The following PCSK1 variants were observed in gnomAD, a reference collection of about 807,000 sequenced individuals.
PCSK1 encodes the protein neuroendocrine convertase 1.
Under a neutral mutation model 90.6 loss-of-function variants are expected in PCSK1, and 56 were observed. The ratio of observed to expected loss-of-function variants is 0.62; its 90% CI spans 0.50 to 0.77. The LOEUF (loss-of-function observed/expected upper bound fraction) is 0.77, where lower values mean the gene tolerates loss of function less well. Ranked by LOEUF, PCSK1 falls within the 30% of genes least tolerant of loss-of-function variation. The probability of loss-of-function intolerance (pLI) is 0.00; values close to 1 mark genes in which losing one functional copy is unlikely to be tolerated. For missense variants in PCSK1, 801 were observed against 932.6 expected (o/e 0.86, Z 1.84); for synonymous variants, 348 against 342.4 (o/e 1.02, Z -0.18).
intron 2 of PCSK1, among the ~76,000 whole-genome samples, chr5:96,427,547 G>A (rs1175772168): frequency 6.6e-6 from 1 of 152,032 alleles, no homozygotes. Context: ...ACCTGTGCTG[G>A]AGAAGGAATT....
At chr5:96,405,194 T>C (rs1041952764) in intron 9 of PCSK1, among the ~76,000 whole-genome samples, 2 of 152,340 alleles carry the variant, frequency 1.3e-5, no homozygotes, top group African/African-American at 4.8e-5. Context: ...TCAGTCATAC[T>C]TATCTTACTG....
chr5:96,394,976 A>C lies in PCSK1; in HGVS notation c.1772T>G (p.Leu591Trp). 4 of 1,614,070 alleles carry C rather than the reference A, an allele frequency of 2.5e-6. No homozygotes were observed. In the South Asian group the frequency reaches 4.4e-5, roughly 18 times the overall value. Residue 591 changes from leucine to tryptophan, a missense_variant, in exon 13 of 14, where the codon TTG (leucine) becomes TGG (tryptophan). Transcript: ENST00000311106. ...CTCTGGCTGAGAAGAGGTCCCGTGC[A>C]AAATCAGCTTCCAGTTCACAATTCT... ...EGRIVNWKLI[L>W]HGTSSQPEHM...
At chr5:96,432,053 G>A in intron 1 of PCSK1, 1 of 1,481,344 alleles carries the variant, frequency 6.8e-7, no homozygotes, top group Non-Finnish European at 9.1e-7. Flanking sequence ...GCAACAATAA[G>A]CTGAAATTCC....
At position 96,429,101 on chromosome 5, in the gene PCSK1, G is replaced by T. The variant is rs77619865; in HGVS notation, c.285+112C>A. On this transcript the variant is annotated intron_variant, in intron 2 of 13. Transcript: ENST00000311106. Reference sequence around the variant, plus strand: ...AGAAATAATACAGATAAACAATCTTGGTCACAATAAAAAAAAAACCACATT... The same window carrying T: ...AGAAATAATACAGATAAACAATCTTTGTCACAATAAAAAAAAAACCACATT... The T allele has an allele frequency of 7.8e-3, 5,224 of 672,646 alleles. 203 individuals are homozygous for T. In the African/African-American group the frequency reaches 0.085, roughly 11 times the overall value. The allele number at this position is 672,646 out of a possible 1,614,324, so 41.7% of individuals were successfully genotyped here.
intron 12 of PCSK1, among the ~76,000 whole-genome samples, chr5:96,396,650 CATT>C (rs1416314277): frequency 1.3e-5 from 2 of 151,522 alleles, no homozygotes; most frequent in Non-Finnish European, 2.9e-5. Flanking sequence ...AGAGCCAAAA[CATT>C]ATTCATTTAT....
intron 5 of PCSK1, among the ~76,000 whole-genome samples, chr5:96,416,923 C>T (rs1249270980): frequency 6.6e-6 from 1 of 152,184 alleles, no homozygotes; most frequent in East Asian, 1.9e-4. Flanking sequence ...TCTTTTCCCA[C>T]CACCATCCTG....
chr5:96,402,252 G>T (rs1442780424), intron 9 of PCSK1, among the ~76,000 whole-genome samples: 1 of 152,176 alleles, frequency 6.6e-6, no homozygotes, highest in Non-Finnish European at 1.5e-5. Context: ...GATTTCAAAG[G>T]TCTTACCTGG....
chr5:96,425,008 A>AAAGAAAGAAAG (rs1554059749), intron 3 of PCSK1, among the ~76,000 whole-genome samples: 10 of 117,478 alleles, frequency 8.5e-5, no homozygotes, highest in African/African-American at 3.0e-4. Context: ...AGAAAGAAAG[A>AAAGAAAGAAAG]AAAGAAAGAA....
At chr5:96,406,306 C>T (rs1031773991) in intron 9 of PCSK1, among the ~76,000 whole-genome samples, 7 of 152,120 alleles carry the variant, frequency 4.6e-5, no homozygotes, top group Non-Finnish European at 7.3e-5. Flanking sequence ...AATTATTTCT[C>T]GGTTAATTTG....
At chr5:96,410,705 G>A (rs528166705) in intron 8 of PCSK1, 69 bp downstream of exon 8, 3 of 1,241,568 alleles carry the variant, frequency 2.4e-6, no homozygotes, top group African/African-American at 1.5e-5. Context: ...AGGTCAGTTA[G>A]GGGAATCATT....
intron 9 of PCSK1, among the ~76,000 whole-genome samples, chr5:96,405,272 A>C (rs899626694): frequency 2.0e-5 from 3 of 152,346 alleles, no homozygotes; most frequent in African/African-American, 7.2e-5. Context: ...TAGACTCTTA[A>C]TATCTCTTAA....
intron 5 of PCSK1, among the ~76,000 whole-genome samples, chr5:96,420,577 G>C (rs1761093010): frequency 6.9e-6 from 1 of 144,948 alleles, no homozygotes; most frequent in African/African-American, 2.9e-5. Flanking sequence ...TTTTCCCCAA[G>C]GAAGAAATAA....
In PCSK1 at chr5:96,432,918, C is replaced by T. The variant is rs1359353262; in HGVS notation, c.125G>A (p.Gly42Asp). The T allele has an allele frequency of 2.5e-5, 41 of 1,613,834 alleles. No homozygotes were observed. The highest frequency in any genetic ancestry group is 3.2e-5 in the Non-Finnish European group (38 of 1,179,860). The change falls in exon 1 of 14, where the codon GGC becomes GAC. Residue 42 changes from glycine (G) to aspartate (D), a missense_variant. Physicochemically the swap from Gly to Asp is moderately conservative, Grantham distance 94 (BLOSUM62 -1). Coordinates refer to ENST00000311106, the MANE Select transcript of PCSK1 (RefSeq NM_000439.5). ...VNEWAAEIPG[G>D]PEAASAIAEE... ...GGCGATGGCCGAGGCTGCTTCCGGG[C>T]CCCCGGGGATCTCCGCTGCCCATTC...
chr5:96,421,920 G>A lies in PCSK1; in HGVS notation c.580C>T (p.His194Tyr). Residue 194 changes from histidine (H) to tyrosine (Y), a missense_variant, in exon 5 of 14, where the codon CAT (histidine) becomes TAT (tyrosine). Physicochemically the swap from His to Tyr is moderately conservative, Grantham distance 83. Transcript: ENST00000311106. Reference protein sequence around the residue: ...EASYDFNDNDHDPFPRYDPTN... With the variant: ...EASYDFNDNDYDPFPRYDPTN... ...GGATCATATCGGGGAAATGGATCAT[G>A]GTCATTATCATTAAAATCATAGCTA... is the stretch of plus-strand genomic sequence containing the variant. 6.4e-7 allele frequency: 1 copy of A among 1,563,880 alleles called. No individual in the cohort carries two copies. Among genetic ancestry groups the A allele is most frequent in the Non-Finnish European group, 8.7e-7 (1 of 1,143,886 alleles).
At chr5:96,401,720 A>T (rs271924) in intron 9 of PCSK1, among the ~76,000 whole-genome samples, 49,382 of 151,880 alleles carry the variant, frequency 0.33, 8,448 homozygotes, top group Admixed American at 0.43. Flanking sequence ...ACATGCGGGA[A>T]ACTCATTTGT....
At chr5:96,426,819 C>T (rs545473840) in intron 2 of PCSK1, among the ~76,000 whole-genome samples, 7 of 152,074 alleles carry the variant, frequency 4.6e-5, no homozygotes, top group African/African-American at 7.2e-5. Flanking sequence ...AAATAAAAAC[C>T]GAAAAATAAT....
At chr5:96,401,328 C>T (rs78353284) in intron 9 of PCSK1, among the ~76,000 whole-genome samples, 2,543 of 152,128 alleles carry the variant, frequency 0.017, 32 homozygotes, top group Non-Finnish European at 0.027. Flanking sequence ...GCCACTGGAG[C>T]AAAAGCACCA....
At position 96,423,316 on chromosome 5, in the gene PCSK1, G is replaced by C; in HGVS notation, c.540C>G (p.Asn180Lys). The C allele has an allele frequency of 1.2e-6, 2 of 1,608,264 alleles. No homozygotes were observed. The highest frequency in any genetic ancestry group is 1.7e-6 in the Non-Finnish European group (2 of 1,176,846). Residue 180 changes from asparagine (N) to lysine (K), a missense_variant, in exon 4 of 14, where the codon AAC becomes AAG. Asn to Lys is a moderately conservative substitution (Grantham distance 94). Transcript: ENST00000311106. Reference protein sequence around the residue: ...LEWNHTDIYANYDPEASYDFN... With the variant: ...LEWNHTDIYAKYDPEASYDFN... ...TCATGAGAAGGCACACACTTACATA[G>C]TTGGCATAAATGTCCGTGTGATTCC...
At chr5:96,424,076 G>A (rs1318219207) in intron 3 of PCSK1, among the ~76,000 whole-genome samples, 4 of 152,194 alleles carry the variant, frequency 2.6e-5, no homozygotes, top group African/African-American at 9.7e-5. Flanking sequence ...CAGAGTGTGG[G>A]ACTGTACAGG....
Sources: gnomAD v4.1 joint callset for allele counts (sites outside exome capture counted in the v4.1 genomes callset) on GRCh38, gnomAD v4.1.1 for gene constraint, MANE v1.5 for transcripts, NCBI Gene and HGNC (gene_info 2026-07-23, HGNC 2026-07-21) for gene names.